The following CDH23 variants were observed in gnomAD, a reference collection of about 807,000 sequenced individuals.
CDH23 encodes cadherin related 23.
Under a neutral mutation model 317.1 loss-of-function variants are expected in CDH23, and 189 were observed. The observed-to-expected ratio is 0.60, with a 90% CI of 0.53 to 0.67. The LOEUF is 0.67. CDH23 is among the 30% of genes least tolerant of loss of function. CDH23 has a pLI of 0.00. For missense variants in CDH23, 4,401 were observed against 4,592.4 expected (o/e 0.96, Z 1.20); for synonymous variants, 1,839 against 1,876.8 (o/e 0.98, Z 0.52).
chr10:71,639,106 G>T (rs1405042816), intron 11 of CDH23, among the ~76,000 whole-genome samples: 1 of 152,224 alleles, frequency 6.6e-6, no homozygotes, highest in African/African-American at 2.4e-5. Flanking sequence ...GCGGGCAGCT[G>T]CCAGCTCCGC....
chr10:71,510,599 G>A lies in CDH23; in HGVS notation c.289-355G>A, dbSNP rs541923795. Among the ~76,000 whole-genome samples the A allele has an allele frequency of 1.2e-4, 18 of 152,124 alleles. No homozygotes were observed. The East Asian group carries it at 2.1e-3, about 18-fold the overall frequency. Reference sequence around the variant, plus strand: ...GCATGGTAGCCCTTAGCAAGTTAAGGTAAAGACGTGAACACATCCCCAACC... The same window carrying A: ...GCATGGTAGCCCTTAGCAAGTTAAGATAAAGACGTGAACACATCCCCAACC... On this transcript the variant is annotated intron_variant, in intron 4 of 69. Coordinates refer to ENST00000224721, the MANE Select transcript of CDH23 (RefSeq NM_022124.6).
intron 66 of CDH23, 113 bp downstream of exon 66, chr10:71,812,128 C>T: frequency 6.2e-7 from 1 of 1,601,630 alleles, no homozygotes; most frequent in East Asian, 2.2e-5. Flanking sequence ...GCTGTGGGCG[C>T]CCCCTGGTGG....
At chr10:71,415,741 A>G (rs972286929) in intron 1 of CDH23, among the ~76,000 whole-genome samples, 4 of 152,114 alleles carry the variant, frequency 2.6e-5, no homozygotes, top group Non-Finnish European at 5.9e-5. Context: ...TTTCTGTTAT[A>G]GTTTCCTCTT....
At chr10:71,442,073 T>C (rs1199252738) in intron 2 of CDH23, among the ~76,000 whole-genome samples, 6 of 152,238 alleles carry the variant, frequency 3.9e-5, no homozygotes, top group Non-Finnish European at 7.3e-5. Context: ...CTGGCACAGA[T>C]GAAGTGCTTA....
rs760686178 is a variant in CDH23, at chr10:71,803,307, G to C, written c.7759G>C (p.Gly2587Arg). The change falls in exon 55 of 70, where the codon GGA becomes CGA. Residue 2587 changes from glycine (G) to arginine (R), a missense_variant. By Grantham distance (125) the Gly-to-Arg change is moderately radical. Transcript: ENST00000224721. Reference sequence around the variant, plus strand: ...TCTGACCGTGGTGGCCACAGATGGTGGAGAGCCCCCACTCTGGGGCACCAC... The same window carrying C: ...TCTGACCGTGGTGGCCACAGATGGTCGAGAGCCCCCACTCTGGGGCACCAC... ...FSLTVVATDGGEPPLWGTTML... is the reference protein window; with the variant it reads ...FSLTVVATDGREPPLWGTTML... 3.1e-6 allele frequency: 5 copies of C among 1,591,062 alleles called. No homozygotes were observed. Among genetic ancestry groups the C allele is most frequent in the African/African-American group, 1.3e-5 (1 of 74,222 alleles).
chr10:71,764,620 G>C (rs1840483587), intron 38 of CDH23, among the ~76,000 whole-genome samples: 1 of 152,180 alleles, frequency 6.6e-6, no homozygotes, highest in Non-Finnish European at 1.5e-5. Context: ...GGGCTCAGTA[G>C]CAGCTTTTGG....
intron 6 of CDH23, among the ~76,000 whole-genome samples, chr10:71,545,040 G>A (rs59347504): frequency 0.039 from 5,965 of 152,136 alleles, 262 homozygotes; most frequent in African/African-American, 0.1. Flanking sequence ...GGAAAGCCAC[G>A]TCCACCCTGT....
chr10:71,665,178 G>A (rs1251504378), intron 14 of CDH23, among the ~76,000 whole-genome samples: 1 of 152,186 alleles, frequency 6.6e-6, no homozygotes, highest in Non-Finnish European at 1.5e-5. Context: ...GGGAAGCCCA[G>A]TCAACATTCA....
rs1220364677 is a variant in CDH23, at chr10:71,799,553, C to A, written c.7286C>A (p.Ala2429Asp). Residue 2429 changes from alanine to aspartate, a missense_variant, in exon 52 of 70, where the codon GCT (alanine) becomes GAT (aspartate). Around this residue, in one of 3 missense-constraint regions of CDH23, gnomAD observed 189 missense variants for 250.9 expected, o/e 0.75. Coordinates refer to ENST00000224721, the MANE Select transcript of CDH23 (RefSeq NM_022124.6). ...TIILTVTATD[A>D]DSGNFALIEY... ...ATCCTGACAGTCACTGCCACTGATGCTGACTCAGGCAACTTTGCACTCATT... is the reference window on the plus strand; with the variant it reads ...ATCCTGACAGTCACTGCCACTGATGATGACTCAGGCAACTTTGCACTCATT... 2 of 1,614,078 alleles carry A rather than the reference C, an allele frequency of 1.2e-6. No individual in the cohort carries two copies. The highest frequency in any genetic ancestry group is 1.7e-6 in the Non-Finnish European group (2 of 1,179,896).
Position 71,709,166 on chromosome 10 carries a change from G to C in CDH23, c.3175G>C (p.Asp1059His), listed in dbSNP as rs1169561953. The C allele has an allele frequency of 2.5e-6, 4 of 1,613,974 alleles. No homozygotes were observed. The highest frequency in any genetic ancestry group is 3.4e-6 in the Non-Finnish European group (4 of 1,179,898). The change falls in exon 27 of 70, where the codon GAC becomes CAC. Residue 1059 changes from aspartate (D) to histidine (H), a missense_variant. Asp to His is a moderately conservative substitution (Grantham distance 81). This residue lies in a region of CDH23 where 3,068 missense variants were observed against 3,203.3 expected (regional missense o/e 0.96). Transcript: ENST00000224721. ...DAVVRTVVGL[D>H]RETTAAYMLI... ...CGTTGTGAGAACCGTGGTGGGCCTG[G>C]ACCGGGAGACCACAGCCGCCTACAT...
intron 27 of CDH23, among the ~76,000 whole-genome samples, chr10:71,709,744 C>A (rs1267225711): frequency 6.6e-6 from 1 of 152,186 alleles, no homozygotes; most frequent in East Asian, 1.9e-4. Flanking sequence ...CACTGGCTGG[C>A]GCTGCCTCCT....
chr10:71,528,887 G>T (rs778897997), intron 6 of CDH23, among the ~76,000 whole-genome samples: 7 of 152,206 alleles, frequency 4.6e-5, no homozygotes, highest in Non-Finnish European at 1.0e-4. Context: ...TGAGCAGGGG[G>T]ATGGGGCACT....
At chr10:71,472,756 T>G (rs539059547) in intron 3 of CDH23, among the ~76,000 whole-genome samples, 3 of 152,318 alleles carry the variant, frequency 2.0e-5, no homozygotes, top group African/African-American at 7.2e-5. Flanking sequence ...TGCCAAGGAC[T>G]CCTGTGCTCT....
intron 14 of CDH23, among the ~76,000 whole-genome samples, chr10:71,651,090 CTGAG>C (rs1456398891): frequency 6.6e-6 from 1 of 152,216 alleles, no homozygotes; most frequent in African/African-American, 2.4e-5. Context: ...AATCTTCACA[CTGAG>C]TATTACTTGC....
chr10:71,650,369 T>C (rs1863108499), intron 14 of CDH23, among the ~76,000 whole-genome samples: 1 of 152,236 alleles, frequency 6.6e-6, no homozygotes, highest in African/African-American at 2.4e-5. Flanking sequence ...GAATGTGCTC[T>C]GAAGGGTGAT....
rs1842102438 is a variant in CDH23 at position 71,815,418 on chromosome 10, C to T, written c.*140C>T. 8.5e-6 allele frequency: 6 copies of T among 704,690 alleles called. No homozygotes were observed. Among genetic ancestry groups the T allele is most frequent in the African/African-American group, 1.8e-5 (1 of 55,938 alleles). 43.7% of individuals were successfully genotyped at this position (704,690 alleles called of 1,614,324 possible). A position where few individuals can be genotyped will look rare whatever the true frequency, so the allele number is the denominator to read the frequency against. On this transcript the variant is annotated 3_prime_UTR_variant, in exon 70 of 70. Transcript: ENST00000224721. ...CAACCTTGGCTTGGCCCTGGCAGCC[C>T]GCATCAGCTGCTCAGATCCCACTTT...
chr10:71,398,649 G>T (rs186531894), intron 1 of CDH23, among the ~76,000 whole-genome samples: 1 of 152,096 alleles, frequency 6.6e-6, no homozygotes, highest in Admixed American at 6.5e-5. Flanking sequence ...GGCGCACTGC[G>T]GTCAGCACCT....
chr10:71,458,787 T>C (rs913484692), intron 3 of CDH23, among the ~76,000 whole-genome samples: 5 of 152,158 alleles, frequency 3.3e-5, no homozygotes, highest in Admixed American at 1.3e-4. Context: ...GTTTTTTGTT[T>C]TGTTTTGTTT....
intron 52 of CDH23, among the ~76,000 whole-genome samples, chr10:71,800,176 TAG>T (rs1564800437): frequency 6.6e-6 from 1 of 152,184 alleles, no homozygotes; most frequent in East Asian, 1.9e-4. Flanking sequence ...ATTTTCAGTA[TAG>T]AGAGAGAGCC....
Sources: allele counts gnomAD v4.1 joint callset (sites outside exome capture counted in the v4.1 genomes callset), GRCh38; gene constraint gnomAD v4.1.1; regional missense constraint gnomAD v4.1.1; transcripts MANE v1.5; gene names NCBI Gene and HGNC (gene_info 2026-07-23, HGNC 2026-07-21).